ZHX3: variants seen among roughly 807,000 people sequenced by gnomAD.
ZHX3 encodes the protein zinc fingers and homeoboxes protein 3.
A neutral mutation model predicts 64.5 loss-of-function variants in ZHX3; 20 were observed. The observed-to-expected ratio is 0.31, with a 90% CI of 0.22 to 0.45. ZHX3 has a LOEUF of 0.45. Ranked by LOEUF, ZHX3 falls within the 20% of genes least tolerant of loss-of-function variation. The pLI is 1.00. For synonymous variants in ZHX3, 423 were observed against 461.6 expected (o/e 0.92, Z 1.07); for missense variants, 1,041 against 1,195.8 (o/e 0.87, Z 1.91).
intron 1 of ZHX3, among the ~76,000 whole-genome samples, chr20:41,305,964 T>C (rs1386115590): frequency 1.3e-5 from 2 of 152,164 alleles, no homozygotes; most frequent in Non-Finnish European, 2.9e-5. Context: ...GTATGTATTG[T>C]ATTATTAGAA....
chr20:41,217,951 G>C (rs574160670), intron 2 of ZHX3, among the ~76,000 whole-genome samples: 1 of 152,080 alleles, frequency 6.6e-6, no homozygotes, highest in Non-Finnish European at 1.5e-5. Context: ...TCTTACAGAG[G>C]GTTCGAAGAT....
At chr20:41,254,679 C>T (rs533484989) in intron 2 of ZHX3, 3 of 152,286 alleles carry the variant, frequency 2.0e-5, no homozygotes, top group Non-Finnish European at 4.4e-5. Context: ...AGGGTTATGA[C>T]AAATGCAATT....
intron 1 of ZHX3, among the ~76,000 whole-genome samples, chr20:41,270,678 A>G (rs1481933758): frequency 4.1e-5 from 2 of 49,182 alleles, no homozygotes; most frequent in East Asian, 6.1e-3. Context: ...TCCGTCTCAG[A>G]AAAAAAAAAA....
At position 41,202,473 on chromosome 20, in the gene ZHX3, C is replaced by G; in HGVS notation, c.2444G>C (p.Ser815Thr). 6 of 1,614,194 alleles carry G rather than the reference C, an allele frequency of 3.7e-6. No individual in the cohort carries two copies. The highest frequency in any genetic ancestry group is 5.1e-6 in the Non-Finnish European group (6 of 1,180,022). The stretch of plus-strand genomic sequence containing the variant: ...TTGGCCGTTCTTCAGTGCGTACCTG[C>G]TATCTCCAAACCAGCGCACCACCTC... ...RPEVVRWFGD[S>T]RYALKNGQLK... Residue 815 changes from serine (S) to threonine (T), a missense_variant, in exon 3 of 4, where the codon AGC becomes ACC. Around this residue, in one of 4 missense-constraint regions of ZHX3, gnomAD observed 649 missense variants for 739.8 expected, o/e 0.88. Coordinates refer to ENST00000683867, the MANE Select transcript of ZHX3 (RefSeq NM_001384317.1). The surrounding 1 kb of genome is among the most constrained non-coding windows in gnomAD (Gnocchi z 7.0).
chr20:41,218,166 T>C (rs974692643), intron 2 of ZHX3, among the ~76,000 whole-genome samples: 1 of 151,570 alleles, frequency 6.6e-6, no homozygotes, highest in Non-Finnish European at 1.5e-5. Flanking sequence ...AAAAAGAGGC[T>C]GGACCAGTGG....
At chr20:41,236,423 A>T (rs1360578179) in intron 2 of ZHX3, among the ~76,000 whole-genome samples, 1 of 152,212 alleles carries the variant, frequency 6.6e-6, no homozygotes, top group Non-Finnish European at 1.5e-5. Flanking sequence ...CAAAACAGAG[A>T]TGTAGACCAA....
In ZHX3 at chr20:41,201,269, G is replaced by A. The variant is rs556104741; in HGVS notation, c.2860+788C>T. On this transcript the variant is annotated intron_variant, in intron 3 of 3. Coordinates refer to ENST00000683867, the MANE Select transcript of ZHX3 (RefSeq NM_001384317.1). The surrounding 1 kb of genome is among the most constrained non-coding windows in gnomAD (Gnocchi z 5.0). ...ATCCCTTCAGCTTCTACAATACTCCGCCCTCCTGGCTCTCACCTGAGCTTC... is the reference window on the plus strand; with the variant it reads ...ATCCCTTCAGCTTCTACAATACTCCACCCTCCTGGCTCTCACCTGAGCTTC... 4.7e-4 allele frequency: 610 copies of A among 1,291,062 alleles called. 3 individuals are homozygous for A. The highest frequency in any genetic ancestry group is 5.9e-4 in the Non-Finnish European group (576 of 984,168). The allele number at this position is 1,291,062 out of a possible 1,614,324, so 80.0% of individuals were successfully genotyped here.
At chr20:41,241,258 T>C (rs568539089) in intron 2 of ZHX3, among the ~76,000 whole-genome samples, 1 of 152,348 alleles carries the variant, frequency 6.6e-6, no homozygotes, top group East Asian at 1.9e-4. Flanking sequence ...ATTTCTCTGA[T>C]AAATGATGCT....
intron 1 of ZHX3, chr20:41,299,862 A>T (rs1230740643): frequency 1.7e-5 from 2 of 120,598 alleles, no homozygotes; most frequent in African/African-American, 7.5e-5. Context: ...GAAGAAGGAG[A>T]CTCGGTCTCA....
At chr20:41,313,593 CTTTTTTTTT>C (rs58599783) in intron 1 of ZHX3, among the ~76,000 whole-genome samples, 6 of 103,782 alleles carry the variant, frequency 5.8e-5, no homozygotes, top group Non-Finnish European at 9.2e-5. Context: ...ACTTTTAGGC[CTTTTTTTTT>C]TTTTTTTTTT....
intron 3 of ZHX3, among the ~76,000 whole-genome samples, chr20:41,189,878 A>G (rs1043786701): frequency 6.6e-6 from 1 of 152,124 alleles, no homozygotes; most frequent in African/African-American, 2.4e-5. Context: ...GGAGCGGTGA[A>G]AGTGGGCATC....
At chr20:41,297,168 T>C (rs2044574126) in intron 1 of ZHX3, among the ~76,000 whole-genome samples, 1 of 152,216 alleles carries the variant, frequency 6.6e-6, no homozygotes, top group Non-Finnish European at 1.5e-5. Context: ...AGAATGGCAG[T>C]TCTGGGGTTT....
At chr20:41,217,336 T>TA (rs2039599624) in intron 2 of ZHX3, among the ~76,000 whole-genome samples, 1 of 152,138 alleles carries the variant, frequency 6.6e-6, no homozygotes, top group African/African-American at 2.4e-5. Flanking sequence ...ACCATGAACT[T>TA]ATAATTGTTC....
At chr20:41,278,931 C>T (rs1262493854) in intron 1 of ZHX3, among the ~76,000 whole-genome samples, 1 of 151,834 alleles carries the variant, frequency 6.6e-6, no homozygotes, top group Non-Finnish European at 1.5e-5. Context: ...CGCCACCACG[C>T]CCGGCTAATT....
chr20:41,296,937 T>A (rs1345526673), intron 1 of ZHX3, among the ~76,000 whole-genome samples: 2 of 152,214 alleles, frequency 1.3e-5, no homozygotes, highest in Admixed American at 1.3e-4. Flanking sequence ...CATCCATTTG[T>A]CTCTTTGGAG....
intron 1 of ZHX3, among the ~76,000 whole-genome samples, chr20:41,298,403 C>G (rs1308106210): frequency 6.6e-6 from 1 of 152,154 alleles, no homozygotes; most frequent in Non-Finnish European, 1.5e-5. Context: ...TAAATGCTTG[C>G]TTTTATAATC....
At chr20:41,303,858 C>T (rs2044897212) in intron 1 of ZHX3, among the ~76,000 whole-genome samples, 1 of 152,180 alleles carries the variant, frequency 6.6e-6, no homozygotes, top group South Asian at 2.1e-4. Context: ...CTCACACTTC[C>T]TAGCTGAGCT....
intron 2 of ZHX3, among the ~76,000 whole-genome samples, chr20:41,266,551 T>C (rs931723763): frequency 2.0e-5 from 3 of 148,968 alleles, no homozygotes; most frequent in Admixed American, 6.7e-5. Flanking sequence ...ATCTTTCTTT[T>C]TTTTTTTTTT....
intron 1 of ZHX3, among the ~76,000 whole-genome samples, chr20:41,284,644 C>A (rs2146707960): frequency 6.6e-6 from 1 of 152,330 alleles, no homozygotes; most frequent in South Asian, 2.1e-4. Flanking sequence ...AAGCTCTCTG[C>A]AATCATTTTC....
Sources: gnomAD v4.1 joint callset for allele counts (sites outside exome capture counted in the v4.1 genomes callset) on GRCh38, gnomAD v4.1.1 for gene constraint, gnomAD v4.1.1 regional missense constraint, Gnocchi (gnomAD v3.1) non-coding constraint, MANE v1.5 for transcripts, NCBI Gene and HGNC (gene_info 2026-07-23, HGNC 2026-07-21) for gene names.